Variants in STAT4 observed in about 807,000 individuals in gnomAD.
STAT4 encodes signal transducer and activator of transcription 4.
Under a neutral mutation model 110.5 loss-of-function variants are expected in STAT4, and 42 were observed. The ratio of observed to expected loss-of-function variants is 0.38; its 90% confidence interval spans 0.30 to 0.49. STAT4 has a LOEUF of 0.49. Among genes scored for constraint, STAT4 ranks in the 20% least tolerant of loss-of-function variants. The pLI is 0.95. For synonymous variants in STAT4, 284 were observed against 302.2 expected, an observed-to-expected ratio of 0.94 and a Z score of 0.63; for missense variants, 632 against 887.9, an observed-to-expected ratio of 0.71 and a Z score of 3.66.
intron 3 of STAT4, among the ~76,000 whole-genome samples, chr2:191,097,388 A>C (rs1040084893): frequency 6.6e-6 from 1 of 152,224 alleles, no homozygotes; most frequent in Admixed American, 6.5e-5. Context: ...GGCTACAGTA[A>C]CCAAAACAGC....
intron 3 of STAT4, among the ~76,000 whole-genome samples, chr2:191,122,742 A>G (rs1698772954): frequency 6.6e-6 from 1 of 152,226 alleles, no homozygotes; most frequent in Admixed American, 6.5e-5. Context: ...CACAGAGTGA[A>G]AAAAGTCTAA....
chr2:191,096,597 C>T (rs879955205), intron 3 of STAT4, among the ~76,000 whole-genome samples: 7 of 152,108 alleles, frequency 4.6e-5, no homozygotes, highest in Non-Finnish European at 7.4e-5. Context: ...TCTCAATAAA[C>T]TAGGTATTGA....
rs904210306 is a variant in STAT4, at chr2:191,144,401, C to T, written c.273+2212G>A. Among the ~76,000 whole-genome samples the T allele has an allele frequency of 1.3e-5, 2 of 152,120 alleles. No homozygotes were observed. The highest frequency in any genetic ancestry group is 2.9e-5 in the Non-Finnish European group (2 of 67,992). On this transcript the variant is annotated intron_variant, in intron 3 of 23. Transcript: ENST00000392320. The surrounding 1 kb of genome is among the most constrained non-coding windows in gnomAD (Gnocchi z 4.7). Reference sequence around the variant, plus strand: ...GGAAGAGCATTCCTGGCCATAGGACCGTCATGGACAAGGCTGAGTCATTCA... The same window carrying T: ...GGAAGAGCATTCCTGGCCATAGGACTGTCATGGACAAGGCTGAGTCATTCA...
At chr2:191,101,704 T>C (rs1178254432) in intron 3 of STAT4, among the ~76,000 whole-genome samples, 1 of 152,128 alleles carries the variant, frequency 6.6e-6, no homozygotes, top group Non-Finnish European at 1.5e-5. Context: ...TTTTTGTATT[T>C]ATAATTTTTA....
intron 3 of STAT4, among the ~76,000 whole-genome samples, chr2:191,125,521 T>A (rs1012987603): frequency 6.8e-4 from 48 of 70,472 alleles, no homozygotes; most frequent in Non-Finnish European, 1.2e-3. Flanking sequence ...AGGGCCTTGC[T>A]CTGTCACCCA....
intron 3 of STAT4, among the ~76,000 whole-genome samples, chr2:191,105,918 T>C (rs1698265819): frequency 6.6e-6 from 1 of 152,174 alleles, no homozygotes; most frequent in Admixed American, 6.5e-5. Context: ...TTCTGTAGCG[T>C]GTTGGCATCA....
rs534010886 is a variant in STAT4 at position 191,146,462 on chromosome 2, A to G, written c.273+151T>C. The G allele has an allele frequency of 4.7e-6, 3 of 643,200 alleles. No homozygotes were observed. In the African/African-American group the frequency reaches 5.7e-5, roughly 12 times the overall value. 39.8% of individuals were successfully genotyped at this position (643,200 alleles called of 1,614,324 possible). On this transcript the variant is annotated intron_variant, in intron 3 of 23. Transcript: ENST00000392320. The surrounding 1 kb of genome is among the most constrained non-coding windows in gnomAD (Gnocchi z 4.5). ...AACATTTCATGAAAAATGTTAGGTA[A>G]TAAAATTGAGCACAAAATTTGTAAG...
In STAT4 at chr2:191,150,804, T is replaced by G; in HGVS notation, c.-2+143A>C. The G allele has an allele frequency of 1.4e-6, 1 of 718,832 alleles. No homozygotes were observed. The highest frequency in any genetic ancestry group is 1.7e-6 in the Non-Finnish European group (1 of 586,380). 44.5% of individuals were successfully genotyped at this position (718,832 alleles called of 1,614,324 possible). A position where few individuals can be genotyped will look rare whatever the true frequency, so the allele number is the denominator to read the frequency against. On this transcript the variant is annotated intron_variant, in intron 1 of 23. Coordinates refer to ENST00000392320, the MANE Select transcript of STAT4 (RefSeq NM_003151.4). This position sits in a 1 kb window ranked among gnomAD's most constrained non-coding sequence, Gnocchi z 6.4. Reference sequence around the variant, plus strand: ...TCTGTGGGTCGTGGAGTCGGGCGCTTCCTTCTATAATAAGCCTCCTCAGGA... The same window carrying G: ...TCTGTGGGTCGTGGAGTCGGGCGCTGCCTTCTATAATAAGCCTCCTCAGGA...
At chr2:191,048,714 A>G (rs1696425007) in intron 14 of STAT4, among the ~76,000 whole-genome samples, 1 of 125,446 alleles carries the variant, frequency 8.0e-6, no homozygotes, top group Non-Finnish European at 1.6e-5. Flanking sequence ...TGAACCCTGG[A>G]GGCGGAGGTT....
rs1227089881 is a variant in STAT4, at chr2:191,050,872, T to C, written c.1251+3618A>G. Among the ~76,000 whole-genome samples the C allele has an allele frequency of 6.6e-6, 1 of 152,158 alleles. No individual in the cohort carries two copies. Among genetic ancestry groups the C allele is most frequent in the Non-Finnish European group, 1.5e-5 (1 of 68,032 alleles). Reference sequence around the variant, plus strand: ...TGACAGCTCAGCTCTTCTTGGGTAATCTCAAACAGTCACAGGGTGCTGCAA... The same window carrying C: ...TGACAGCTCAGCTCTTCTTGGGTAACCTCAAACAGTCACAGGGTGCTGCAA... On this transcript the variant is annotated intron_variant, in intron 14 of 23. Transcript: ENST00000392320. This position sits in a 1 kb window ranked among gnomAD's most constrained non-coding sequence, Gnocchi z 4.3.
chr2:191,045,181 CA>C (rs1696315431), intron 14 of STAT4, among the ~76,000 whole-genome samples: 2 of 152,018 alleles, frequency 1.3e-5, no homozygotes, highest in Admixed American at 1.3e-4. Context: ...ATTTACAGCT[CA>C]AAAAATAATC....
chr2:191,078,645 T>A (rs1206441219), intron 3 of STAT4, among the ~76,000 whole-genome samples: 2 of 152,072 alleles, frequency 1.3e-5, no homozygotes, highest in Non-Finnish European at 2.9e-5. Flanking sequence ...AAAATAACAA[T>A]AAAACAAACC....
rs1366896069 is a variant in STAT4, at chr2:191,089,285, A to C, written c.274-12960T>G. Reference sequence around the variant, plus strand: ...TCTCACCAAAGAAGATATATAGATGAAAAATAGGCATATGAAAAGATGCTC... The same window carrying C: ...TCTCACCAAAGAAGATATATAGATGCAAAATAGGCATATGAAAAGATGCTC... On this transcript the variant is annotated intron_variant, in intron 3 of 23. Transcript: ENST00000392320. Among the ~76,000 whole-genome samples, 7 of 152,328 alleles carry C rather than the reference A, an allele frequency of 4.6e-5. No homozygotes were observed. The South Asian group carries it at 1.5e-3, about 32-fold the overall frequency.
At chr2:191,108,519 T>C (rs1698342434) in intron 3 of STAT4, among the ~76,000 whole-genome samples, 1 of 152,124 alleles carries the variant, frequency 6.6e-6, no homozygotes, top group African/African-American at 2.4e-5. Flanking sequence ...ATAAGTCAAA[T>C]ATGAAATGAA....
intron 3 of STAT4, among the ~76,000 whole-genome samples, chr2:191,133,116 G>A (rs930500389): frequency 6.6e-6 from 1 of 150,764 alleles, no homozygotes; most frequent in Non-Finnish European, 1.5e-5. Context: ...ATTTCTTATG[G>A]TAAGGAAACA....
At chr2:191,121,735 C>T (rs1698737696) in intron 3 of STAT4, among the ~76,000 whole-genome samples, 1 of 135,066 alleles carries the variant, frequency 7.4e-6, no homozygotes, top group Non-Finnish European at 1.5e-5. Context: ...AACACTTGGA[C>T]ACAGGAAGGG....
intron 8 of STAT4, 148 bp from the exon 9 acceptor site, chr2:191,063,068 GAC>G (rs1218991704): frequency 2.8e-6 from 2 of 709,766 alleles, no homozygotes; most frequent in Non-Finnish European, 4.0e-6. Flanking sequence ...TTAGGTTAGA[GAC>G]AGTTTTTATT....
At position 191,029,668 on chromosome 2, in the gene STAT4, A is replaced by G. The variant is rs574975927; in HGVS notation, c.*172T>C. 13 of 628,890 alleles carry G rather than the reference A, an allele frequency of 2.1e-5. No homozygotes were observed. The East Asian group carries it at 4.0e-4, about 19-fold the overall frequency. The allele number at this position is 628,890 out of a possible 1,614,324, so 39.0% of individuals were successfully genotyped here. On this transcript the variant is annotated 3_prime_UTR_variant, in exon 24 of 24. Transcript: ENST00000392320. This position sits in a 1 kb window ranked among gnomAD's most constrained non-coding sequence, Gnocchi z 4.5. Reference sequence around the variant, plus strand: ...CTTTGGTTTCAAGCATTTCAGTCACAACACTCCCAATTGAGGAGTGCCACG... The same window carrying G: ...CTTTGGTTTCAAGCATTTCAGTCACGACACTCCCAATTGAGGAGTGCCACG...
At chr2:191,134,611 C>T (rs1259327497) in intron 3 of STAT4, among the ~76,000 whole-genome samples, 2 of 152,186 alleles carry the variant, frequency 1.3e-5, no homozygotes, top group East Asian at 3.9e-4. Context: ...AGAAATTACA[C>T]AGAGACTACA....
Sources: gnomAD v4.1 joint callset for allele counts (sites outside exome capture counted in the v4.1 genomes callset) on GRCh38, gnomAD v4.1.1 for gene constraint, Gnocchi (gnomAD v3.1) non-coding constraint, MANE v1.5 for transcripts, NCBI Gene and HGNC (gene_info 2026-07-23, HGNC 2026-07-21) for gene names.